The following DENND2C variants were observed in gnomAD, a reference collection of about 807,000 sequenced individuals.
DENND2C encodes the protein DENN domain containing 2C, also known as DENN domain-containing protein 2C.
In DENND2C, 72 loss-of-function variants were observed where a neutral mutation model predicts 112.4. The observed-to-expected ratio is 0.64, with a 90% CI of 0.53 to 0.78. The LOEUF (loss-of-function observed/expected upper bound fraction) is 0.78, where lower values mean the gene tolerates loss of function less well. Among genes scored for constraint, DENND2C ranks in the 30% least tolerant of loss-of-function variants. The pLI, the probability that DENND2C is intolerant of heterozygous loss-of-function variation, is 0.00. For missense variants in DENND2C, 992 were observed against 1,113.8 expected, an observed-to-expected ratio of 0.89 and a Z score of 1.56; for synonymous variants, 329 against 381.6, an observed-to-expected ratio of 0.86 and a Z score of 1.61.
intron 8 of DENND2C, among the ~76,000 whole-genome samples, chr1:114,615,927 T>C (rs1244808966): frequency 6.6e-6 from 1 of 151,768 alleles, no homozygotes; most frequent in Non-Finnish European, 1.5e-5. Context: ...TACAAAAAAT[T>C]AGCCGGGTGT....
intron 2 of DENND2C, 136 bp from the exon 3 acceptor site, chr1:114,645,695 T>C (rs967796044): frequency 1.3e-5 from 2 of 152,226 alleles, no homozygotes; most frequent in Non-Finnish European, 2.9e-5. Flanking sequence ...GCAAGGATTT[T>C]TGTTGAAATT....
chr1:114,598,517 G>T (rs190485523), intron 16 of DENND2C, among the ~76,000 whole-genome samples: 1 of 151,792 alleles, frequency 6.6e-6, no homozygotes, highest in Non-Finnish European at 1.5e-5. Flanking sequence ...GAGTACCTTT[G>T]GTGGGGGATG....
intron 3 of DENND2C, among the ~76,000 whole-genome samples, chr1:114,628,597 T>C (rs1429818375): frequency 2.6e-5 from 4 of 152,252 alleles, no homozygotes; most frequent in East Asian, 1.9e-4. Flanking sequence ...ACAGAAAATC[T>C]TTCTTAGAGC....
intron 14 of DENND2C, 94 bp downstream of exon 14, chr1:114,600,726 A>G: frequency 7.0e-7 from 1 of 1,433,438 alleles, no homozygotes; most frequent in East Asian, 2.3e-5. Context: ...TTTATGGAAA[A>G]GGGAAATCTA....
intron 12 of DENND2C, 121 bp from the exon 13 acceptor site, chr1:114,601,706 T>A: frequency 5.0e-6 from 4 of 803,062 alleles, no homozygotes; most frequent in Non-Finnish European, 7.9e-6. Flanking sequence ...AAGGCTCTCA[T>A]CTTTAGTGAA....
At chr1:114,601,395 T>G in intron 13 of DENND2C, 113 bp downstream of exon 13, 1 of 1,008,670 alleles carries the variant, frequency 9.9e-7, no homozygotes, top group Non-Finnish European at 1.5e-6. Flanking sequence ...AGGCACGTGG[T>G]TCCTAGTTTA....
At position 114,585,385 on chromosome 1, in the gene DENND2C, A is replaced by G; in HGVS notation, c.*215T>C. ...GCTGCTATAAAAAAAAAATGGAGAC[A>G]GAGTAAAGATGGCATGGTGCCAGAC... On this transcript the variant is annotated 3_prime_UTR_variant, in exon 21 of 21. Coordinates refer to ENST00000393274, the MANE Select transcript of DENND2C (RefSeq NM_001256404.2). 2 of 458,580 alleles carry G rather than the reference A, an allele frequency of 4.4e-6. No homozygotes were observed. The highest frequency in any genetic ancestry group is 7.9e-6 in the Non-Finnish European group (2 of 253,518). 28.4% of individuals were successfully genotyped at this position (458,580 alleles called of 1,614,324 possible).
intron 13 of DENND2C, among the ~76,000 whole-genome samples, 159 bp from the exon 14 acceptor site, chr1:114,601,119 A>T (rs1655493357): frequency 6.6e-6 from 1 of 152,220 alleles, no homozygotes; most frequent in Non-Finnish European, 1.5e-5. Flanking sequence ...AATAAGCATC[A>T]TATCTCTTGG....
intron 2 of DENND2C, among the ~76,000 whole-genome samples, chr1:114,650,038 T>G (rs1657110131): frequency 1.3e-5 from 2 of 152,176 alleles, no homozygotes; most frequent in South Asian, 4.1e-4. Flanking sequence ...TGATGCAATT[T>G]TGGCCAGACT....
At chr1:114,604,878 T>C in intron 11 of DENND2C, 44 bp downstream of exon 11, 1 of 1,364,360 alleles carries the variant, frequency 7.3e-7, no homozygotes. Flanking sequence ...TGATTTATTT[T>C]TGCAGGTCTA....
At chr1:114,607,030 C>T (rs766133179) in intron 10 of DENND2C, among the ~76,000 whole-genome samples, 17 of 152,186 alleles carry the variant, frequency 1.1e-4, no homozygotes, top group Non-Finnish European at 2.4e-4. Context: ...CTGGTCTGAT[C>T]CTAACCCTCC....
At position 114,663,936 on chromosome 1, in the gene DENND2C, G is replaced by A. The variant is rs1235982715; in HGVS notation, c.-574+6047C>T. 2.0e-5 allele frequency among the ~76,000 whole-genome samples: 3 copies of A among 151,028 alleles called. No individual in the cohort carries two copies. In the East Asian group the frequency reaches 5.8e-4, roughly 29 times the overall value. On this transcript the variant is annotated intron_variant, in intron 1 of 20. Transcript: ENST00000393274. ...ATATTTGCTAACCCCTGCCTTAGAA[G>A]ACCATACTGCTATTCTTTTTTTTTT...
At chr1:114,597,013 T>C (rs1189809795) in intron 16 of DENND2C, among the ~76,000 whole-genome samples, 1 of 152,132 alleles carries the variant, frequency 6.6e-6, no homozygotes, top group African/African-American at 2.4e-5. Context: ...AGCAGCTCAC[T>C]AAAAACACCA....
rs1410353074 is a variant in DENND2C at position 114,618,485 on chromosome 1, G to GA, written c.1228-4dup. The GA allele has an allele frequency of 2.0e-6, 3 of 1,537,170 alleles. No homozygotes were observed. Among genetic ancestry groups the GA allele is most frequent in the Non-Finnish European group, 2.6e-6 (3 of 1,140,890 alleles). ...ATGTCATCTATTTTCAATACAAGCT[G>GA]AAAAAAGACCAGAAAAATACAAATT... On this transcript the variant is annotated splice_polypyrimidine_tract_variant and splice_region_variant and intron_variant, in intron 7 of 20. Transcript: ENST00000393274.
At chr1:114,591,881 TTTA>T (rs568111224) in intron 18 of DENND2C, among the ~76,000 whole-genome samples, 4 of 145,588 alleles carry the variant, frequency 2.7e-5, no homozygotes, top group African/African-American at 4.9e-5. Flanking sequence ...TATTATTATT[TTTA>T]TTATTATTAT....
chr1:114,642,138 G>A (rs1346776546), intron 3 of DENND2C, among the ~76,000 whole-genome samples: 2 of 152,054 alleles, frequency 1.3e-5, no homozygotes. Context: ...TTTTGGTAGA[G>A]ACGGGTTTCA....
At chr1:114,632,413 A>G (rs1005585658) in intron 3 of DENND2C, among the ~76,000 whole-genome samples, 8 of 152,126 alleles carry the variant, frequency 5.3e-5, no homozygotes, top group Non-Finnish European at 1.0e-4. Context: ...AGTCAGAGAA[A>G]AAAAATATAT....
chr1:114,637,283 C>T (rs1218932613), intron 3 of DENND2C, among the ~76,000 whole-genome samples: 4 of 149,058 alleles, frequency 2.7e-5, no homozygotes, highest in East Asian at 4.1e-4. Flanking sequence ...GCACAGGAAT[C>T]GCTTGAACCC....
At chr1:114,602,300 T>C in intron 11 of DENND2C, 106 bp from the exon 12 acceptor site, 1 of 1,144,226 alleles carries the variant, frequency 8.7e-7, no homozygotes, top group East Asian at 2.5e-5. Context: ...CATTTTGTGA[T>C]CTAGTTAGGA....
Sources: allele counts gnomAD v4.1 joint callset (sites outside exome capture counted in the v4.1 genomes callset), GRCh38; gene constraint gnomAD v4.1.1; transcripts MANE v1.5; gene names NCBI Gene and HGNC (gene_info 2026-07-23, HGNC 2026-07-21).